The following GALNT17 variants were observed in gnomAD, a reference collection of about 807,000 sequenced individuals.
GALNT17 encodes the protein UDP-GalNAc:polypeptide N-acetylgalactosaminyltransferase-like 3.
In GALNT17, 29 loss-of-function variants were observed where a neutral mutation model predicts 63.7. That is an observed-to-expected ratio of 0.46 (90% CI 0.34 to 0.62). The LOEUF (loss-of-function observed/expected upper bound fraction) is 0.62, where lower values mean the gene tolerates loss of function less well. GALNT17 is among the 20% of genes least tolerant of loss of function. The pLI, the probability that GALNT17 is intolerant of heterozygous loss-of-function variation, is 0.01. For synonymous variants in GALNT17, 305 were observed against 318.3 expected (o/e 0.96, Z 0.45); for missense variants, 603 against 799.6 (o/e 0.75, Z 2.97).
chr7:71,599,670 T>C (rs904362623), intron 6 of GALNT17, among the ~76,000 whole-genome samples: 1 of 151,652 alleles, frequency 6.6e-6, no homozygotes, highest in African/African-American at 2.4e-5. Flanking sequence ...TGATATCTGG[T>C]GGGTAGAGGC....
chr7:71,642,208 AC>A (rs1790614137), intron 6 of GALNT17, among the ~76,000 whole-genome samples: 4 of 152,292 alleles, frequency 2.6e-5, no homozygotes, highest in Admixed American at 2.6e-4. Context: ...TCCTTCCCTT[AC>A]AGCAGGCCAG....
At chr7:71,532,384 TGAG>T (rs1214433833) in intron 5 of GALNT17, among the ~76,000 whole-genome samples, 1 of 152,136 alleles carries the variant, frequency 6.6e-6, no homozygotes, top group African/African-American at 2.4e-5. Context: ...GGCTTGGAGC[TGAG>T]GAGAAGAGAC....
rs537351073 is a variant in GALNT17 at position 71,327,176 on chromosome 7, C to T, written c.239-8374C>T. 2.6e-5 allele frequency among the ~76,000 whole-genome samples: 4 copies of T among 152,298 alleles called. No homozygotes were observed. The East Asian group carries it at 7.7e-4, about 29-fold the overall frequency. ...CTAAACATGGGACCACAGGAGAAGTCTTCCAGTTGTGATTGGTAGTACATC... is the reference window on the plus strand; with the variant it reads ...CTAAACATGGGACCACAGGAGAAGTTTTCCAGTTGTGATTGGTAGTACATC... On this transcript the variant is annotated intron_variant, in intron 1 of 10. Transcript: ENST00000333538.
chr7:71,644,230 C>T (rs529283386), intron 6 of GALNT17, among the ~76,000 whole-genome samples: 34 of 151,462 alleles, frequency 2.2e-4, no homozygotes, highest in African/African-American at 8.2e-4. Context: ...AGTGACATAC[C>T]GATTCCACAG....
chr7:71,591,648 ATTGTTTGT>A (rs369221190), intron 6 of GALNT17, among the ~76,000 whole-genome samples: 1 of 150,996 alleles, frequency 6.6e-6, no homozygotes, highest in East Asian at 1.9e-4. Flanking sequence ...GTCACTGTTG[ATTGTTTGT>A]TTGTTTGTTC....
At chr7:71,657,512 G>T (rs145750850) in intron 6 of GALNT17, among the ~76,000 whole-genome samples, 22 of 152,240 alleles carry the variant, frequency 1.4e-4, no homozygotes, top group Non-Finnish European at 2.9e-4. Flanking sequence ...CAGGTGCCCA[G>T]GGGAGCAGGT....
chr7:71,651,387 C>G (rs1024885060), intron 6 of GALNT17, among the ~76,000 whole-genome samples: 2 of 151,656 alleles, frequency 1.3e-5, no homozygotes, highest in African/African-American at 4.8e-5. Flanking sequence ...ACTGCAACCT[C>G]TGCCTCCCAG....
intron 6 of GALNT17, among the ~76,000 whole-genome samples, chr7:71,649,638 C>CACACACAT (rs1790728165): frequency 1.3e-5 from 2 of 152,072 alleles, no homozygotes; most frequent in African/African-American, 4.8e-5. Context: ...CACACACACA[C>CACACACAT]ACACACATAC....
At chr7:71,565,325 G>A (rs187441428) in intron 5 of GALNT17, among the ~76,000 whole-genome samples, 131 of 152,128 alleles carry the variant, frequency 8.6e-4, no homozygotes, top group Admixed American at 1.4e-3. Flanking sequence ...GTAACTGAGA[G>A]GGATCTGAAG....
chr7:71,193,695 T>C (rs1342014551), intron 1 of GALNT17, among the ~76,000 whole-genome samples: 2 of 151,976 alleles, frequency 1.3e-5, no homozygotes. Flanking sequence ...ACCCATATGC[T>C]ACTGTGATTC....
intron 5 of GALNT17, among the ~76,000 whole-genome samples, chr7:71,553,804 A>G (rs901513727): frequency 6.6e-6 from 1 of 152,196 alleles, no homozygotes; most frequent in Non-Finnish European, 1.5e-5. Context: ...CTCTTTCAGG[A>G]CAATTGCTCC....
chr7:71,626,865 A>G (rs949531699), intron 6 of GALNT17, among the ~76,000 whole-genome samples: 1 of 152,178 alleles, frequency 6.6e-6, no homozygotes, highest in Admixed American at 6.5e-5. Flanking sequence ...CAGGAGCTGT[A>G]GTGTTTATCA....
intron 7 of GALNT17, among the ~76,000 whole-genome samples, chr7:71,667,474 G>A (rs994581553): frequency 8.5e-5 from 13 of 152,136 alleles, no homozygotes; most frequent in Admixed American, 7.9e-4. Flanking sequence ...ACAACCTCAT[G>A]ACATAAGAAC....
At chr7:71,471,798 G>T (rs919827439) in intron 5 of GALNT17, among the ~76,000 whole-genome samples, 1 of 152,060 alleles carries the variant, frequency 6.6e-6, no homozygotes, top group Non-Finnish European at 1.5e-5. Context: ...TTTTCAGTTT[G>T]CATGTGTGTA....
chr7:71,612,992 G>A lies in GALNT17; in HGVS notation c.1080+41590G>A, dbSNP rs534425508. On this transcript the variant is annotated intron_variant, in intron 6 of 10. Transcript: ENST00000333538. The stretch of plus-strand genomic sequence containing the variant: ...CCTGGGGATTCACAGCCTGAAGGTG[G>A]TTAACGGCCCCCCTCTCGCCTATCA... 3.9e-5 allele frequency among the ~76,000 whole-genome samples: 6 copies of A among 152,284 alleles called. No individual in the cohort carries two copies. In the South Asian group the frequency reaches 1.2e-3, roughly 32 times the overall value.
intron 9 of GALNT17, among the ~76,000 whole-genome samples, chr7:71,701,735 ATATATGTG>A (rs1341138162): frequency 1.9e-4 from 4 of 21,066 alleles, no homozygotes; most frequent in South Asian, 2.1e-3. Context: ...GTATATATAT[ATATATGTG>A]TATATATATG....
At chr7:71,478,479 A>G (rs1394313893) in intron 5 of GALNT17, among the ~76,000 whole-genome samples, 1 of 151,904 alleles carries the variant, frequency 6.6e-6, no homozygotes, top group Non-Finnish European at 1.5e-5. Context: ...ATGCCCGGCT[A>G]ATTTTTGAAT....
chr7:71,611,673 G>A (rs1213706023), intron 6 of GALNT17, among the ~76,000 whole-genome samples: 6 of 151,904 alleles, frequency 3.9e-5, no homozygotes, highest in Non-Finnish European at 7.4e-5. Context: ...TTGCATGGTG[G>A]CATGCACACA....
At chr7:71,624,999 G>A (rs1022540773) in intron 6 of GALNT17, among the ~76,000 whole-genome samples, 7 of 152,208 alleles carry the variant, frequency 4.6e-5, no homozygotes, top group East Asian at 1.9e-4. Flanking sequence ...GGCAAGTGGC[G>A]TCATAGCATA....
Sources: allele counts gnomAD v4.1 joint callset (sites outside exome capture counted in the v4.1 genomes callset), GRCh38; gene constraint gnomAD v4.1.1; transcripts MANE v1.5; gene names NCBI Gene and HGNC (gene_info 2026-07-23, HGNC 2026-07-21).